Variants in DNAI3 observed in about 807,000 individuals in gnomAD.
The protein encoded by DNAI3 is dynein axonemal intermediate chain 3.
In DNAI3, 83 loss-of-function variants were observed where a neutral mutation model predicts 115.5. The ratio of observed to expected loss-of-function variants is 0.72; its 90% CI spans 0.60 to 0.86. The LOEUF (loss-of-function observed/expected upper bound fraction) is 0.86. DNAI3 is among the 40% of genes least tolerant of loss of function. DNAI3 has a pLI of 0.00. For missense variants in DNAI3, 1,004 were observed against 1,075.8 expected (o/e 0.93, Z 0.93); for synonymous variants, 320 against 347.0 (o/e 0.92, Z 0.86).
chr1:85,087,906 T>C (rs1047559535), intron 7 of DNAI3, among the ~76,000 whole-genome samples: 2 of 152,066 alleles, frequency 1.3e-5, no homozygotes, highest in African/African-American at 2.4e-5. Context: ...GAAAGTGCAA[T>C]GTTAAAGTCA....
At chr1:85,113,743 G>A (rs927569147) in intron 16 of DNAI3, among the ~76,000 whole-genome samples, 2 of 151,844 alleles carry the variant, frequency 1.3e-5, no homozygotes, top group African/African-American at 2.4e-5. Context: ...CTGTGATTTT[G>A]ACTGAGATTG....
At chr1:85,079,740 A>G (rs1561460) in intron 3 of DNAI3, among the ~76,000 whole-genome samples, 119,564 of 151,992 alleles carry the variant, frequency 0.79, 47,197 homozygotes, top group Non-Finnish European at 0.81. Context: ...CCACCCTCCC[A>G]GGGCATGCTG....
At chr1:85,112,967 C>A (rs1655700920) in intron 16 of DNAI3, among the ~76,000 whole-genome samples, 3 of 152,156 alleles carry the variant, frequency 2.0e-5, no homozygotes. Context: ...CAGGGTTTTG[C>A]CATGTTGGCC....
At chr1:85,074,106 C>A (rs1477847838) in intron 3 of DNAI3, among the ~76,000 whole-genome samples, 1 of 152,152 alleles carries the variant, frequency 6.6e-6, no homozygotes, top group Non-Finnish European at 1.5e-5. Flanking sequence ...CAAACCACCC[C>A]AACTTATGTG....
At chr1:85,132,731 T>A in intron 22 of DNAI3, 124 bp from the exon 23 acceptor site, 10 of 1,128,640 alleles carry the variant, frequency 8.9e-6, no homozygotes, top group East Asian at 6.7e-5. Flanking sequence ...CTTCCTGCCC[T>A]CCATCCAGCC....
chr1:85,095,850 T>C (rs776170427), intron 10 of DNAI3, 81 bp from the exon 11 acceptor site: 156 of 1,360,216 alleles, frequency 1.1e-4, no homozygotes, highest in Middle Eastern at 1.1e-3. Context: ...AATTAGACTT[T>C]TAACTGTCTT....
chr1:85,107,510 A>T (rs896447276), intron 14 of DNAI3, among the ~76,000 whole-genome samples: 2 of 152,226 alleles, frequency 1.3e-5, no homozygotes, highest in African/African-American at 4.8e-5. Context: ...TCATTTTATT[A>T]AATGTCCAGC....
chr1:85,096,284 T>A (rs974407892), intron 11 of DNAI3, among the ~76,000 whole-genome samples: 1 of 151,982 alleles, frequency 6.6e-6, no homozygotes, highest in Non-Finnish European at 1.5e-5. Context: ...CTGAACCACA[T>A]ATTGTATAAG....
intron 5 of DNAI3, among the ~76,000 whole-genome samples, chr1:85,083,711 T>G (rs1028013775): frequency 6.6e-6 from 1 of 152,196 alleles, no homozygotes; most frequent in East Asian, 1.9e-4. Context: ...ATATTTACTT[T>G]AAAACTTTTT....
chr1:85,072,754 G>C (rs376146765), intron 2 of DNAI3, among the ~76,000 whole-genome samples: 2 of 151,782 alleles, frequency 1.3e-5, no homozygotes, highest in South Asian at 2.1e-4. Flanking sequence ...AGGAGATGGA[G>C]ACCATCCTGG....
intron 11 of DNAI3, among the ~76,000 whole-genome samples, chr1:85,097,131 G>A (rs189873158): frequency 2.6e-5 from 4 of 151,628 alleles, no homozygotes; most frequent in South Asian, 4.2e-4. Flanking sequence ...AGAGTTGGCT[G>A]TAATAGTCAA....
chr1:85,094,706 A>G (rs947024798), intron 10 of DNAI3, 151 bp downstream of exon 10: 8 of 973,128 alleles, frequency 8.2e-6, no homozygotes, highest in Non-Finnish European at 1.1e-5. Flanking sequence ...ACTTGTCATC[A>G]TTCAATTTGA....
intron 13 of DNAI3, among the ~76,000 whole-genome samples, chr1:85,100,979 G>T (rs190294907): frequency 0.051 from 7,700 of 151,570 alleles, 258 homozygotes; most frequent in East Asian, 0.14. Flanking sequence ...GTTGTGGGGT[G>T]GGGGGAGGAG....
At chr1:85,113,821 A>G (rs1009247338) in intron 16 of DNAI3, among the ~76,000 whole-genome samples, 2 of 152,130 alleles carry the variant, frequency 1.3e-5, no homozygotes, top group Admixed American at 1.3e-4. Context: ...ACCCATAAAC[A>G]CAGTATATCT....
chr1:85,129,938 GTCA>G (rs916512082), intron 21 of DNAI3, 49 bp from the exon 22 acceptor site: 54 of 1,582,368 alleles, frequency 3.4e-5, no homozygotes, highest in Non-Finnish European at 4.5e-5. Context: ...CCTTGTAAAG[GTCA>G]TGGGGGCTTC....
chr1:85,112,147 G>A (rs1461977528), intron 16 of DNAI3, among the ~76,000 whole-genome samples: 1 of 152,006 alleles, frequency 6.6e-6, no homozygotes, highest in Non-Finnish European at 1.5e-5. Context: ...TAACTCCTGG[G>A]CTCAAGCAAT....
chr1:85,121,881 T>C lies in DNAI3; in HGVS notation c.1981+67T>C, dbSNP rs1656003725. On this transcript the variant is annotated intron_variant, in intron 18 of 22. Coordinates refer to ENST00000294664, the MANE Select transcript of DNAI3 (RefSeq NM_145172.5). ...TTAATTTAAACTACCCAAAGGAATCTCATGCAGTACAGAGTCACCCTGGTC... is the reference window on the plus strand; with the variant it reads ...TTAATTTAAACTACCCAAAGGAATCCCATGCAGTACAGAGTCACCCTGGTC... 61 of 1,549,516 alleles carry C rather than the reference T, an allele frequency of 3.9e-5. No individual in the cohort carries two copies. The Middle Eastern group carries it at 6.7e-4, about 17-fold the overall frequency.
rs1290478467 is a variant in DNAI3, at chr1:85,084,560, AG to A, written c.406del (p.Glu136LysfsTer49). 6.8e-7 allele frequency: 1 copy of A among 1,462,910 alleles called. No individual in the cohort carries two copies. Among genetic ancestry groups the A allele is most frequent in the Non-Finnish European group, 9.1e-7 (1 of 1,104,054 alleles). The allele number at this position is 1,462,910 out of a possible 1,614,324, so 90.6% of individuals were successfully genotyped here. On this transcript the variant is annotated frameshift_variant, in exon 6 of 23. Transcript: ENST00000294664. LOFTEE classifies it high-confidence loss of function. ...ENYLNPPEVP[E>X]EQEEYKEHIP... ...TTTTACTTTAGCCCCCAGAAGTACCAGAAGAACAAGAAGAATATAAAGAACA... is the reference window on the plus strand; with the variant it reads ...TTTTACTTTAGCCCCCAGAAGTACCAAAGAACAAGAAGAATATAAAGAACA...
chr1:85,062,926 G>A (rs1012658217), intron 1 of DNAI3, among the ~76,000 whole-genome samples: 10 of 152,188 alleles, frequency 6.6e-5, no homozygotes, highest in African/African-American at 2.4e-4. Context: ...ATTACTTCAG[G>A]ACTGTTTAGA....
Sources: allele counts gnomAD v4.1 joint callset (sites outside exome capture counted in the v4.1 genomes callset), GRCh38; gene constraint gnomAD v4.1.1; transcripts MANE v1.5; gene names NCBI Gene and HGNC (gene_info 2026-07-23, HGNC 2026-07-21).